Variants in WWC2 observed in about 807,000 individuals in gnomAD.
WWC2 encodes the protein WW and C2 domain containing 2, also known as protein WWC2.
A neutral mutation model predicts 138.5 loss-of-function variants in WWC2; 101 were observed. That is an observed-to-expected ratio of 0.73 (90% CI 0.62 to 0.86). The LOEUF (loss-of-function observed/expected upper bound fraction) is 0.86. WWC2 is among the 40% of genes least tolerant of loss of function. WWC2 has a pLI of 0.00. For missense variants in WWC2, 1,420 were observed against 1,419.4 expected (o/e 1.00, Z -0.01); for synonymous variants, 558 against 538.4 (o/e 1.04, Z -0.50).
At chr4:183,250,129 G>A in intron 8 of WWC2, 136 bp downstream of exon 8, 2 of 716,890 alleles carry the variant, frequency 2.8e-6, no homozygotes, top group Non-Finnish European at 2.3e-6. Context: ...TAGCATGTCA[G>A]GGCTGCTTCC....
chr4:183,101,329 C>CT (rs937720273), intron 1 of WWC2, among the ~76,000 whole-genome samples: 7 of 152,190 alleles, frequency 4.6e-5, no homozygotes, highest in African/African-American at 1.7e-4. Context: ...CATATCACTA[C>CT]TTTTTTCACA....
At chr4:183,112,094 A>G (rs1236797782) in intron 1 of WWC2, among the ~76,000 whole-genome samples, 3 of 152,228 alleles carry the variant, frequency 2.0e-5, no homozygotes, top group Non-Finnish European at 4.4e-5. Flanking sequence ...ACTAGAAACC[A>G]GTATTTAACT....
rs1252085332 is a variant in WWC2, at chr4:183,106,974, T to C, written c.131+7352T>C. ...TGGAGTTGCTGGGTCATATGGCAGT[T>C]CTATGTTTAACTTTTTGAGGGGACT... is the stretch of plus-strand genomic sequence containing the variant. On this transcript the variant is annotated intron_variant, in intron 1 of 22. Coordinates refer to ENST00000403733, the MANE Select transcript of WWC2 (RefSeq NM_024949.6). Among the ~76,000 whole-genome samples, 3 of 152,088 alleles carry C rather than the reference T, an allele frequency of 2.0e-5. No homozygotes were observed. In the East Asian group the frequency reaches 5.8e-4, roughly 29 times the overall value.
intron 1 of WWC2, among the ~76,000 whole-genome samples, chr4:183,110,621 A>G (rs973945171): frequency 6.6e-6 from 1 of 152,130 alleles, no homozygotes; most frequent in Non-Finnish European, 1.5e-5. Flanking sequence ...GTTCCAATAG[A>G]GCATTTGAAT....
At chr4:183,268,482 G>A (rs1031751836) in intron 14 of WWC2, among the ~76,000 whole-genome samples, 2 of 152,130 alleles carry the variant, frequency 1.3e-5, no homozygotes, top group Non-Finnish European at 2.9e-5. Context: ...ATGCTACTGA[G>A]CCTTTCTTTT....
At chr4:183,241,175 A>C (rs1736605195) in intron 5 of WWC2, among the ~76,000 whole-genome samples, 2 of 152,164 alleles carry the variant, frequency 1.3e-5, no homozygotes, top group African/African-American at 4.8e-5. Context: ...GTGTTCAGGC[A>C]GGTTTCGTGT....
intron 16 of WWC2, among the ~76,000 whole-genome samples, chr4:183,278,171 G>A (rs996322826): frequency 5.3e-5 from 8 of 152,050 alleles, no homozygotes; most frequent in African/African-American, 1.9e-4. Context: ...ATAAGGAAGG[G>A]ATCCAGTTTC....
intron 1 of WWC2, among the ~76,000 whole-genome samples, chr4:183,152,140 G>A (rs1020710998): frequency 1.3e-5 from 2 of 152,128 alleles, no homozygotes; most frequent in East Asian, 1.9e-4. Context: ...CTTGTTTCTC[G>A]TAAGAAAGAA....
chr4:183,122,277 A>T (rs1480823104), intron 1 of WWC2, among the ~76,000 whole-genome samples: 1 of 152,202 alleles, frequency 6.6e-6, no homozygotes, highest in Non-Finnish European at 1.5e-5. Context: ...ATTAAAAAAT[A>T]AAATTCAGAT....
chr4:183,137,877 A>G (rs960233296), intron 1 of WWC2, among the ~76,000 whole-genome samples: 1 of 152,150 alleles, frequency 6.6e-6, no homozygotes, highest in African/African-American at 2.4e-5. Context: ...GTGATAACGC[A>G]GACTTGTTTC....
At chr4:183,249,840 ATACT>A (rs1304461052) in intron 7 of WWC2, 76 bp from the exon 8 acceptor site, 29 of 1,176,290 alleles carry the variant, frequency 2.5e-5, no homozygotes, top group Non-Finnish European at 3.2e-5. Context: ...TCAATTACAC[ATACT>A]TCCCAGAAAC....
rs144133003 is a variant in WWC2 at position 183,118,019 on chromosome 4, T to C, written c.131+18397T>C. On this transcript the variant is annotated intron_variant, in intron 1 of 22. Coordinates refer to ENST00000403733, the MANE Select transcript of WWC2 (RefSeq NM_024949.6). The stretch of plus-strand genomic sequence containing the variant: ...TTCGCCATGTTGGCCAGGCTGGTCT[T>C]GAACTGCTGACTTCGTGATCCACCC... 1.6e-3 allele frequency among the ~76,000 whole-genome samples: 236 copies of C among 151,928 alleles called. 5 individuals carry two copies. The East Asian group carries it at 0.038, about 25-fold the overall frequency.
intron 10 of WWC2, among the ~76,000 whole-genome samples, chr4:183,260,489 T>A (rs1737288488): frequency 1.3e-5 from 2 of 152,236 alleles, no homozygotes. Flanking sequence ...CGTAAGATTG[T>A]AATACTGTAT....
intron 1 of WWC2, among the ~76,000 whole-genome samples, chr4:183,189,790 T>C (rs1431011343): frequency 6.6e-6 from 1 of 152,204 alleles, no homozygotes; most frequent in Non-Finnish European, 1.5e-5. Context: ...CCTGAAATGT[T>C]TTTTTTAAGT....
intron 4 of WWC2, among the ~76,000 whole-genome samples, chr4:183,218,144 A>G (rs113098648): frequency 2.0e-5 from 3 of 152,230 alleles, no homozygotes; most frequent in Admixed American, 6.5e-5. Context: ...CTAGATTTCT[A>G]TACGTAGTGA....
At chr4:183,163,946 A>G (rs1288292162) in intron 1 of WWC2, among the ~76,000 whole-genome samples, 4 of 152,156 alleles carry the variant, frequency 2.6e-5, no homozygotes, top group Non-Finnish European at 5.9e-5. Context: ...AGATAAAATG[A>G]AATTAGTATT....
chr4:183,264,464 A>G (rs563621909), intron 11 of WWC2, among the ~76,000 whole-genome samples: 105 of 152,318 alleles, frequency 6.9e-4, no homozygotes, highest in African/African-American at 2.5e-3. Context: ...TTGGCTGGTG[A>G]GGAGTTCCTG....
At chr4:183,228,560 A>G (rs1736141094) in intron 4 of WWC2, among the ~76,000 whole-genome samples, 1 of 152,146 alleles carries the variant, frequency 6.6e-6, no homozygotes, top group South Asian at 2.1e-4. Context: ...ATATATTTCA[A>G]AGTATTGGTT....
chr4:183,179,279 A>G (rs1160451338), intron 1 of WWC2, among the ~76,000 whole-genome samples: 3 of 152,214 alleles, frequency 2.0e-5, no homozygotes, highest in African/African-American at 2.4e-5. Flanking sequence ...GTGGTCAAAG[A>G]GACTTAGCAT....
Sources: gnomAD v4.1 joint callset for allele counts (sites outside exome capture counted in the v4.1 genomes callset) on GRCh38, gnomAD v4.1.1 for gene constraint, MANE v1.5 for transcripts, NCBI Gene and HGNC (gene_info 2026-07-23, HGNC 2026-07-21) for gene names.